The following FCER1A variants were observed in gnomAD, a reference collection of about 807,000 sequenced individuals.
FCER1A encodes the protein high affinity immunoglobulin epsilon receptor subunit alpha.
In FCER1A, 24 loss-of-function variants were observed where a neutral mutation model predicts 23.6. The ratio of observed to expected loss-of-function variants is 1.02; its 90% CI spans 0.74 to 1.43. The LOEUF is 1.43. FCER1A is among the 40% of genes most tolerant of loss of function. FCER1A has a pLI of 0.00. For missense variants in FCER1A, 318 were observed against 294.5 expected (o/e 1.08, Z -0.58); for synonymous variants, 121 against 108.8 (o/e 1.11, Z -0.70).
chr1:159,298,801 A>G (rs1652358199), upstream of FCER1A, among the ~76,000 whole-genome samples: 1 of 152,212 alleles, frequency 6.6e-6, no homozygotes, highest in African/African-American at 2.4e-5. Flanking sequence ...GGCCTGAATT[A>G]AGAAAGGGAA....
chr1:159,286,109 G>GATCA (rs1370989722), upstream of FCER1A, among the ~76,000 whole-genome samples: 1 of 151,722 alleles, frequency 6.6e-6, no homozygotes, highest in Non-Finnish European at 1.5e-5. Flanking sequence ...AGAACTGCTT[G>GATCA]AACCCGGGAG....
At chr1:159,299,834 A>G (rs1227655478), upstream of FCER1A, among the ~76,000 whole-genome samples, 7 of 151,882 alleles carry the variant, frequency 4.6e-5, no homozygotes, top group Non-Finnish European at 1.0e-4. Flanking sequence ...TCTTCCAGGG[A>G]GGAATAGAGC....
Position 159,303,947 on chromosome 1 carries a change from C to G in FCER1A, c.96C>G (p.Val32=), listed in dbSNP as rs1652518738. Reference sequence around the variant, plus strand: ...TTGAAGTCCCTCAGAAACCTAAGGTCTCCTTGAACCCTCCATGGAATAGAA... The same window carrying G: ...TTGAAGTCCCTCAGAAACCTAAGGTGTCCTTGAACCCTCCATGGAATAGAA... ...GVLAVPQKPK[V]SLNPPWNRIF... The change falls in exon 3 of 5, where the codon GTC becomes GTG. Residue 32 remains valine, a synonymous_variant. Coordinates refer to ENST00000693622, the MANE Select transcript of FCER1A (RefSeq NM_001387280.1). 1 of 1,611,838 alleles carries G rather than the reference C, an allele frequency of 6.2e-7. No homozygotes were observed. Among genetic ancestry groups the G allele is most frequent in the Non-Finnish European group, 8.5e-7 (1 of 1,178,176 alleles).
Position 159,303,956 on chromosome 1 carries a change from C to A in FCER1A, c.105C>A (p.Asn35Lys). ...AVPQKPKVSL[N>K]PPWNRIFKGE... ...CTCAGAAACCTAAGGTCTCCTTGAA[C>A]CCTCCATGGAATAGAATATTTAAAG... is the stretch of plus-strand genomic sequence containing the variant. The change falls in exon 3 of 5, where the codon AAC (asparagine) becomes AAA (lysine). Residue 35 changes from asparagine to lysine, a missense_variant. Asn to Lys is a moderately conservative substitution (Grantham distance 94). Transcript: ENST00000693622. The A allele has an allele frequency of 6.2e-7, 1 of 1,611,548 alleles. No homozygotes were observed. Among genetic ancestry groups the A allele is most frequent in the East Asian group, 2.2e-5 (1 of 44,856 alleles).
the FCER1A span, among the ~76,000 whole-genome samples, chr1:159,284,648 C>A: frequency 2.0e-5 from 3 of 152,158 alleles, no homozygotes; most frequent in South Asian, 4.1e-4. Context: ...AAATCAACAT[C>A]ATTAACATTT....
chr1:159,284,358 G>A, the FCER1A span, among the ~76,000 whole-genome samples: 2 of 152,164 alleles, frequency 1.3e-5, no homozygotes, highest in Admixed American at 1.3e-4. Flanking sequence ...TGCTGGAGGG[G>A]GAATGAAACA....
At chr1:159,300,099 C>T (rs72713642), upstream of FCER1A, among the ~76,000 whole-genome samples, 2,303 of 152,092 alleles carry the variant, frequency 0.015, 18 homozygotes, top group Non-Finnish European at 0.023. Flanking sequence ...ATTTCAATAC[C>T]GGGCACTTAA....
upstream of FCER1A, among the ~76,000 whole-genome samples, chr1:159,299,967 T>TG (rs1363858506): frequency 1.3e-5 from 2 of 150,774 alleles, no homozygotes; most frequent in Non-Finnish European, 3.0e-5. Context: ...GTTAATGGTT[T>TG]GCTTTTTTGG....
upstream of FCER1A, among the ~76,000 whole-genome samples, chr1:159,287,393 C>T (rs1216308055): frequency 1.3e-5 from 2 of 152,080 alleles, no homozygotes; most frequent in Non-Finnish European, 2.9e-5. Context: ...ATCTCTTTCC[C>T]ATACTTTACA....
chr1:159,294,422 C>T (rs1181695459), intron 1 of FCER1A, among the ~76,000 whole-genome samples: 2 of 152,136 alleles, frequency 1.3e-5, no homozygotes, highest in South Asian at 2.1e-4. Flanking sequence ...CATCCTATCT[C>T]GTACTTTAAG....
chr1:159,290,951 A>C (rs1003100337), intron 1 of FCER1A, among the ~76,000 whole-genome samples: 1 of 152,214 alleles, frequency 6.6e-6, no homozygotes, highest in African/African-American at 2.4e-5. Context: ...CAAGAAATAC[A>C]TTGCAGTTTC....
At chr1:159,296,749 T>C (rs1232799710) in intron 1 of FCER1A, among the ~76,000 whole-genome samples, 1 of 152,192 alleles carries the variant, frequency 6.6e-6, no homozygotes, top group Non-Finnish European at 1.5e-5. Flanking sequence ...GTCTCCTGTA[T>C]ACTCATCATT....
intron 1 of FCER1A, among the ~76,000 whole-genome samples, chr1:159,289,990 G>C (rs1652106387): frequency 6.6e-6 from 1 of 152,172 alleles, no homozygotes; most frequent in African/African-American, 2.4e-5. Flanking sequence ...TTTGCTAGTT[G>C]TCACCATTTC....
chr1:159,296,911 C>T (rs752512729), intron 1 of FCER1A, among the ~76,000 whole-genome samples: 2 of 152,152 alleles, frequency 1.3e-5, no homozygotes, highest in African/African-American at 2.4e-5. Context: ...CTCATACCCT[C>T]TTTCACGCAC....
chr1:159,297,017 T>A (rs1347057218), intron 1 of FCER1A, among the ~76,000 whole-genome samples: 3 of 152,204 alleles, frequency 2.0e-5, no homozygotes, highest in African/African-American at 7.2e-5. Context: ...TGGTCTGGGC[T>A]AAGATCTCTC....
upstream of FCER1A, among the ~76,000 whole-genome samples, chr1:159,300,178 C>A (rs1254851171): frequency 6.6e-6 from 1 of 152,144 alleles, no homozygotes; most frequent in African/African-American, 2.4e-5. Context: ...CTCCCTAACT[C>A]CAAAGCTTAT....
chr1:159,303,837 A>G, intron 2 of FCER1A, 91 bp from the exon 3 acceptor site: 10 of 967,746 alleles, frequency 1.0e-5, no homozygotes, highest in Non-Finnish European at 1.5e-5. Context: ...TGATTGTCAG[A>G]ATATTGCTTC....
At position 159,307,953 on chromosome 1, in the gene FCER1A, T is replaced by C. The variant is rs1205012004; in HGVS notation, c.*21T>C. 6.4e-7 allele frequency: 1 copy of C among 1,561,336 alleles called. No individual in the cohort carries two copies. The highest frequency in any genetic ancestry group is 1.8e-5 in the Admixed American group (1 of 56,776). On this transcript the variant is annotated 3_prime_UTR_variant, in exon 5 of 5. Coordinates refer to ENST00000693622, the MANE Select transcript of FCER1A (RefSeq NM_001387280.1). ...ACTGATATAATTACTCAAGAAATAT[T>C]TGCAACATTAGTTTTTTTCCAGCAT...
rs767306097 is a variant in FCER1A at position 159,306,030 on chromosome 1, G to T, written c.374G>T (p.Gly125Val). ...GCCTCTGCTGAGGTGGTGATGGAGG[G>T]CCAGCCCCTCTTCCTCAGGTGCCAT... is the stretch of plus-strand genomic sequence containing the variant. ...LQASAEVVMEGQPLFLRCHGW... is the reference protein window; with the variant it reads ...LQASAEVVMEVQPLFLRCHGW... The change falls in exon 4 of 5, where the codon GGC (glycine) becomes GTC (valine). Residue 125 changes from glycine (G) to valine (V), a missense_variant. Transcript: ENST00000693622. 2.0e-5 allele frequency: 32 copies of T among 1,613,894 alleles called. No homozygotes were observed. Among genetic ancestry groups the T allele is most frequent in the Non-Finnish European group, 2.5e-5 (29 of 1,179,860 alleles).
Sources: gnomAD v4.1 joint callset for allele counts (sites outside exome capture counted in the v4.1 genomes callset) on GRCh38, gnomAD v4.1.1 for gene constraint, MANE v1.5 for transcripts, NCBI Gene and HGNC (gene_info 2026-07-23, HGNC 2026-07-21) for gene names.